Variants in KCNJ6 observed in about 807,000 individuals in gnomAD.
KCNJ6 encodes G protein-activated inward rectifier potassium channel 2.
A neutral mutation model predicts 34.2 loss-of-function variants in KCNJ6; 9 were observed. The observed-to-expected ratio is 0.26, with a 90% CI of 0.16 to 0.46. The LOEUF is 0.46. Among genes scored for constraint, KCNJ6 ranks in the 20% least tolerant of loss-of-function variants. KCNJ6 has a pLI of 1.00. For synonymous variants in KCNJ6, 196 were observed against 207.1 expected (o/e 0.95, Z 0.46); for missense variants, 236 against 531.3 (o/e 0.44, Z 5.46).
intron 3 of KCNJ6, among the ~76,000 whole-genome samples, chr21:37,713,696 G>T (rs931682049): frequency 2.0e-5 from 3 of 152,168 alleles, no homozygotes; most frequent in African/African-American, 7.2e-5. Flanking sequence ...AGCTCAGCAG[G>T]TTGAATGTGG....
At chr21:37,641,328 G>T (rs1273239709) in intron 3 of KCNJ6, among the ~76,000 whole-genome samples, 1 of 152,090 alleles carries the variant, frequency 6.6e-6, no homozygotes, top group African/African-American at 2.4e-5. Context: ...TATTTATTGA[G>T]AATCTATTAT....
intron 2 of KCNJ6, among the ~76,000 whole-genome samples, chr21:37,783,825 G>T (rs1257305969): frequency 6.6e-6 from 1 of 152,170 alleles, no homozygotes. Flanking sequence ...TTTAGGATTA[G>T]TGTACTTTAA....
intron 2 of KCNJ6, among the ~76,000 whole-genome samples, chr21:37,766,375 T>G (rs1303504000): frequency 2.0e-5 from 3 of 152,086 alleles, no homozygotes; most frequent in African/African-American, 7.2e-5. Context: ...TAAAAAGGAA[T>G]GGGTGCAGGG....
chr21:37,640,536 G>A (rs1266849398), intron 3 of KCNJ6, among the ~76,000 whole-genome samples: 1 of 152,226 alleles, frequency 6.6e-6, no homozygotes. Context: ...TGTAGAATTA[G>A]CCTCATTGAT....
intron 2 of KCNJ6, among the ~76,000 whole-genome samples, chr21:37,716,755 T>C (rs1333365348): frequency 1.3e-5 from 2 of 152,184 alleles, no homozygotes; most frequent in Non-Finnish European, 2.9e-5. Flanking sequence ...AGGAAAGCTC[T>C]CCTAAAACTT....
intron 2 of KCNJ6, among the ~76,000 whole-genome samples, chr21:37,790,888 C>A (rs2123521662): frequency 6.6e-6 from 1 of 152,328 alleles, no homozygotes; most frequent in African/African-American, 2.4e-5. Flanking sequence ...GGGAATCCTC[C>A]CTGTTCAAAG....
intron 2 of KCNJ6, among the ~76,000 whole-genome samples, chr21:37,826,616 A>C (rs1345430700): frequency 6.6e-6 from 1 of 152,170 alleles, no homozygotes; most frequent in Non-Finnish European, 1.5e-5. Context: ...TTTATTAAAA[A>C]AAAAAACAGA....
Position 37,654,105 on chromosome 21 carries a change from G to GTT in KCNJ6, c.947-28623_947-28622dup, listed in dbSNP as rs537326162. 8.4e-4 allele frequency among the ~76,000 whole-genome samples: 103 copies of GTT among 122,718 alleles called. 2 individuals carry two copies. The highest frequency in any genetic ancestry group is 3.4e-3 in the Admixed American group (39 of 11,592). The allele number at this position is 122,718 out of a possible 152,430, so 80.5% of individuals were successfully genotyped here. ...CCAAGAAAAAAATTCCACTTTGTGG[G>GTT]TTTTTTTTTTTTTTTTTTTTTGGTG... On this transcript the variant is annotated intron_variant, in intron 3 of 3. Coordinates refer to ENST00000609713, the MANE Select transcript of KCNJ6 (RefSeq NM_002240.5).
At chr21:37,658,040 G>A (rs1482891560) in intron 3 of KCNJ6, among the ~76,000 whole-genome samples, 2 of 152,180 alleles carry the variant, frequency 1.3e-5, no homozygotes, top group East Asian at 1.9e-4. Context: ...CTCTTAAAAC[G>A]AGGCTCTTAT....
rs1357413854 is a variant in KCNJ6 at position 37,714,623 on chromosome 21, C to T, written c.534G>A (p.Gly178=). 1 of 1,614,106 alleles carries T rather than the reference C, an allele frequency of 6.2e-7. No individual in the cohort carries two copies. Among genetic ancestry groups the T allele is most frequent in the South Asian group, 1.1e-5 (1 of 91,078 alleles). Residue 178 remains glycine (G), a synonymous_variant, in exon 3 of 4, where the codon GGG becomes GGA. Coordinates refer to ENST00000609713, the MANE Select transcript of KCNJ6 (RefSeq NM_002240.5). The surrounding 1 kb of genome is among the most constrained non-coding windows in gnomAD (Gnocchi z 5.9). ...IILLLIQSVL[G]SIVNAFMVGC... Reference sequence around the variant, plus strand: ...CCACCATGAATGCATTGACAATGGACCCCAACACAGATTGGATTAAGAGAA... The same window carrying T: ...CCACCATGAATGCATTGACAATGGATCCCAACACAGATTGGATTAAGAGAA...
At position 37,625,121 on chromosome 21, in the gene KCNJ6, G is replaced by GT; in HGVS notation, c.*37dup. 1 of 1,366,014 alleles carries GT rather than the reference G, an allele frequency of 7.3e-7. No homozygotes were observed. The highest frequency in any genetic ancestry group is 1.0e-6 in the Non-Finnish European group (1 of 964,692). 84.6% of individuals were successfully genotyped at this position (1,366,014 alleles called of 1,614,324 possible). A position where few individuals can be genotyped will look rare whatever the true frequency, so the allele number is the denominator to read the frequency against. On this transcript the variant is annotated 3_prime_UTR_variant, in exon 4 of 4. Coordinates refer to ENST00000609713, the MANE Select transcript of KCNJ6 (RefSeq NM_002240.5). ...AGAATGAGAGACAAGGAAAGATTGT[G>GT]TTGGGGGGAGAAGAGAAGGGTTTGC... is the stretch of plus-strand genomic sequence containing the variant.
At chr21:37,674,330 AG>A (rs1483118888) in intron 3 of KCNJ6, among the ~76,000 whole-genome samples, 2 of 152,142 alleles carry the variant, frequency 1.3e-5, no homozygotes, top group African/African-American at 4.8e-5. Context: ...AAATGAGGAC[AG>A]TTGGTCATCT....
chr21:37,743,743 G>A lies in KCNJ6; in HGVS notation c.26-28612C>T, dbSNP rs139134231. Among the ~76,000 whole-genome samples the A allele has an allele frequency of 1.1e-4, 16 of 151,596 alleles. No individual in the cohort carries two copies. In the South Asian group the frequency reaches 1.9e-3, roughly 18 times the overall value. On this transcript the variant is annotated intron_variant, in intron 2 of 3. Coordinates refer to ENST00000609713, the MANE Select transcript of KCNJ6 (RefSeq NM_002240.5). ...GTTCATTATAAATTACCCAATATGC[G>A]GTATTCTGTTACAGAAGCTAAAAAA...
chr21:37,786,990 G>A (rs1212529351), intron 2 of KCNJ6, among the ~76,000 whole-genome samples: 1 of 152,190 alleles, frequency 6.6e-6, no homozygotes, highest in East Asian at 1.9e-4. Flanking sequence ...GCCCCTCACA[G>A]AGATTGCTTT....
At chr21:37,704,754 T>G (rs2123440875) in intron 3 of KCNJ6, among the ~76,000 whole-genome samples, 1 of 152,306 alleles carries the variant, frequency 6.6e-6, no homozygotes, top group Admixed American at 6.5e-5. Context: ...ATTAGGCTGA[T>G]CAAAGCCTAT....
intron 2 of KCNJ6, among the ~76,000 whole-genome samples, chr21:37,748,693 T>G (rs1280463852): frequency 6.6e-6 from 1 of 152,166 alleles, no homozygotes; most frequent in African/African-American, 2.4e-5. Flanking sequence ...CCAACAGGCT[T>G]TGTGGAGGTT....
Position 37,624,926 on chromosome 21 carries a change from C to CTCCT in KCNJ6, c.*232_*233insAGGA. 1.8e-6 allele frequency: 1 copy of CTCCT among 556,078 alleles called. No homozygotes were observed. Among genetic ancestry groups the CTCCT allele is most frequent in the Admixed American group, 3.2e-5 (1 of 31,264 alleles). 34.4% of individuals were successfully genotyped at this position (556,078 alleles called of 1,614,324 possible). On this transcript the variant is annotated 3_prime_UTR_variant, in exon 4 of 4. Coordinates refer to ENST00000609713, the MANE Select transcript of KCNJ6 (RefSeq NM_002240.5). ...ATTTTGGGAGGAGACCAGGCTTGGG[C>CTCCT]CACAAATGAGGGCACTTTGCACTTT...
At chr21:37,742,237 T>G (rs1292935661) in intron 2 of KCNJ6, among the ~76,000 whole-genome samples, 1 of 152,222 alleles carries the variant, frequency 6.6e-6, no homozygotes, top group Non-Finnish European at 1.5e-5. Context: ...AAGTTATTGT[T>G]TAGCTTTCTG....
chr21:37,847,806 G>C (rs2055517185), intron 1 of KCNJ6, among the ~76,000 whole-genome samples: 1 of 151,892 alleles, frequency 6.6e-6, no homozygotes, highest in Non-Finnish European at 1.5e-5. Context: ...GGGAGAAACA[G>C]AATAGAGACA....
Sources: gnomAD v4.1 joint callset for allele counts (sites outside exome capture counted in the v4.1 genomes callset) on GRCh38, gnomAD v4.1.1 for gene constraint, Gnocchi (gnomAD v3.1) non-coding constraint, MANE v1.5 for transcripts, NCBI Gene and HGNC (gene_info 2026-07-23, HGNC 2026-07-21) for gene names.